GPHN: variants seen among roughly 807,000 people sequenced by gnomAD.
GPHN encodes gephyrin.
In GPHN, 17 loss-of-function variants were observed where a neutral mutation model predicts 95.5. That is an observed-to-expected ratio of 0.18 (90% CI 0.12 to 0.27). The LOEUF is 0.27. Ranked by LOEUF, GPHN falls within the 10% of genes least tolerant of loss-of-function variation. The pLI is 1.00. For synonymous variants in GPHN, 320 were observed against 322.5 expected, an observed-to-expected ratio of 0.99 and a Z score of 0.08; for missense variants, 660 against 978.1, an observed-to-expected ratio of 0.67 and a Z score of 4.34.
intron 10 of GPHN, among the ~76,000 whole-genome samples, chr14:67,040,428 T>A (rs1228868165): frequency 6.6e-6 from 1 of 152,134 alleles, no homozygotes; most frequent in African/African-American, 2.4e-5. Context: ...AGACTTTCTC[T>A]TACATAACCA....
intron 18 of GPHN, among the ~76,000 whole-genome samples, chr14:67,153,473 A>G (rs1033880380): frequency 2.6e-5 from 4 of 152,162 alleles, no homozygotes; most frequent in Admixed American, 6.5e-5. Context: ...GCCTCTTCTT[A>G]TAATGGCACT....
intron 2 of GPHN, among the ~76,000 whole-genome samples, chr14:66,700,647 CG>C (rs1566837754): frequency 6.6e-6 from 1 of 152,072 alleles, no homozygotes; most frequent in Non-Finnish European, 1.5e-5. Flanking sequence ...TTATTATGAC[CG>C]GATGCAGTGG....
chr14:67,145,259 G>A (rs1296968123), intron 18 of GPHN, among the ~76,000 whole-genome samples: 1 of 152,094 alleles, frequency 6.6e-6, no homozygotes, highest in African/African-American at 2.4e-5. Flanking sequence ...GAACTAAAAC[G>A]TTTATCTTTT....
intron 2 of GPHN, among the ~76,000 whole-genome samples, chr14:66,703,869 G>T (rs1017618700): frequency 4.0e-5 from 6 of 151,812 alleles, no homozygotes; most frequent in Non-Finnish European, 1.5e-5. Flanking sequence ...AGACCTATTG[G>T]TGTGCTGTAT....
chr14:67,574,528 A>C, the GPHN span: 1 of 723,312 alleles, frequency 1.4e-6, no homozygotes, highest in Non-Finnish European at 2.1e-6. This position sits in a 1 kb window ranked among gnomAD's most constrained non-coding sequence, Gnocchi z 4.2. Context: ...GCCTCCTCAC[A>C]GTGACTCGCT....
At chr14:66,720,047 T>C (rs940362144) in intron 2 of GPHN, among the ~76,000 whole-genome samples, 3 of 152,272 alleles carry the variant, frequency 2.0e-5, no homozygotes, top group Admixed American at 1.3e-4. Context: ...ATTTCCAAGA[T>C]TTTGATATTA....
intron 17 of GPHN, among the ~76,000 whole-genome samples, chr14:67,141,021 C>T (rs569834303): frequency 1.3e-5 from 2 of 151,966 alleles, no homozygotes; most frequent in Non-Finnish European, 2.9e-5. Context: ...ATAGATTCTA[C>T]CTTCAGTTAA....
the GPHN span, chr14:67,473,975 G>C: frequency 1.8e-5 from 28 of 1,530,952 alleles, no homozygotes; most frequent in Middle Eastern, 9.4e-4. The surrounding 1 kb of genome is among the most constrained non-coding windows in gnomAD (Gnocchi z 6.5). Context: ...GGTGAGGGCC[G>C]GGCGCGGTGG....
Position 67,139,896 on chromosome 14 carries a change from G to A in GPHN, c.1749-3466G>A, listed in dbSNP as rs118025317. On this transcript the variant is annotated intron_variant, in intron 17 of 22. Coordinates refer to ENST00000478722, the MANE Select transcript of GPHN (RefSeq NM_020806.5). ...AACATTTACAACTTTGAGATTCAATGATTTTGTGAATATACTACCCACAGA... is the reference window on the plus strand; with the variant it reads ...AACATTTACAACTTTGAGATTCAATAATTTTGTGAATATACTACCCACAGA... 9.8e-3 allele frequency among the ~76,000 whole-genome samples: 1,495 copies of A among 152,208 alleles called. 15 individuals are homozygous for A. The highest frequency in any genetic ancestry group is 0.015 in the Non-Finnish European group (989 of 68,008).
intron 5 of GPHN, among the ~76,000 whole-genome samples, chr14:66,893,344 A>G (rs531648394): frequency 1.2e-4 from 19 of 152,218 alleles, no homozygotes; most frequent in Non-Finnish European, 2.4e-4. Flanking sequence ...GTTGCAGCCC[A>G]CTGAGTGTGA....
chr14:67,639,170 C>T, the GPHN span, among the ~76,000 whole-genome samples: 2 of 152,200 alleles, frequency 1.3e-5, no homozygotes, highest in Admixed American at 6.5e-5. Context: ...TCTTTAGGTT[C>T]CTTTTTAGGC....
At chr14:67,372,145 T>A in the GPHN span, among the ~76,000 whole-genome samples, 2 of 152,124 alleles carry the variant, frequency 1.3e-5, no homozygotes, top group Non-Finnish European at 2.9e-5. Context: ...AATTAAAAAA[T>A]TTATGTGTGC....
intron 1 of GPHN, among the ~76,000 whole-genome samples, chr14:66,602,371 GT>G (rs1401161093): frequency 6.6e-6 from 1 of 151,580 alleles, no homozygotes; most frequent in Non-Finnish European, 1.5e-5. Flanking sequence ...TTTATTGTTA[GT>G]TTTGTTTTTA....
intron 2 of GPHN, among the ~76,000 whole-genome samples, chr14:66,753,040 T>C (rs574011014): frequency 3.7e-4 from 57 of 152,156 alleles, no homozygotes; most frequent in African/African-American, 1.3e-3. Context: ...TACAAACGTG[T>C]TTAAATAATG....
chr14:66,527,910 T>C (rs1006568223), intron 1 of GPHN, among the ~76,000 whole-genome samples: 2 of 152,168 alleles, frequency 1.3e-5, no homozygotes, highest in Non-Finnish European at 2.9e-5. Flanking sequence ...TTAGAGTAAG[T>C]GTGATGTGGT....
At chr14:66,899,865 A>G (rs1289184645) in intron 5 of GPHN, among the ~76,000 whole-genome samples, 1 of 151,898 alleles carries the variant, frequency 6.6e-6, no homozygotes, top group Non-Finnish European at 1.5e-5. Flanking sequence ...AACATTTCAG[A>G]GAATTCACTA....
At chr14:67,036,888 C>T (rs2074450154) in intron 10 of GPHN, among the ~76,000 whole-genome samples, 1 of 151,930 alleles carries the variant, frequency 6.6e-6, no homozygotes, top group South Asian at 2.1e-4. Context: ...AAGGCAATCC[C>T]TATCAAAATA....
At chr14:67,157,400 C>G (rs1186239158) in intron 18 of GPHN, among the ~76,000 whole-genome samples, 2 of 152,136 alleles carry the variant, frequency 1.3e-5, no homozygotes, top group Non-Finnish European at 2.9e-5. Context: ...AACATTTCAT[C>G]TAGTCCCCCA....
intron 4 of GPHN, among the ~76,000 whole-genome samples, chr14:66,837,995 A>G (rs538405452): frequency 3.3e-5 from 5 of 152,252 alleles, no homozygotes; most frequent in Non-Finnish European, 5.9e-5. Context: ...AGTGTTGCCC[A>G]TATAACCTTT....
Sources: gnomAD v4.1 joint callset for allele counts (sites outside exome capture counted in the v4.1 genomes callset) on GRCh38, gnomAD v4.1.1 for gene constraint, Gnocchi (gnomAD v3.1) non-coding constraint, MANE v1.5 for transcripts, NCBI Gene and HGNC (gene_info 2026-07-23, HGNC 2026-07-21) for gene names.